Variants in LRP1B observed in about 807,000 individuals in gnomAD.
LRP1B encodes the protein LDL receptor related protein 1B.
LRP1B carries 217 observed loss-of-function variants against 556.6 expected under a neutral mutation model. The ratio of observed to expected loss-of-function variants is 0.39; its 90% confidence interval spans 0.35 to 0.44. The LOEUF (loss-of-function observed/expected upper bound fraction) is 0.44, where lower values mean the gene tolerates loss of function less well. Ranked by LOEUF, LRP1B falls within the 20% of genes least tolerant of loss-of-function variation. The probability of loss-of-function intolerance (pLI) is 1.00; values close to 1 mark genes in which losing one functional copy is unlikely to be tolerated. For missense variants in LRP1B, 5,053 were observed against 5,620.8 expected, an observed-to-expected ratio of 0.90 and a Z score of 3.23; for synonymous variants, 2,047 against 1,865.8, an observed-to-expected ratio of 1.10 and a Z score of -2.50.
chr2:141,405,996 C>T (rs901755379), intron 3 of LRP1B, among the ~76,000 whole-genome samples: 11 of 151,810 alleles, frequency 7.2e-5, no homozygotes, highest in African/African-American at 2.7e-4. Flanking sequence ...AGAAGTTATG[C>T]CAAGTATGAT....
At chr2:140,786,129 T>C (rs748746983) in intron 32 of LRP1B, among the ~76,000 whole-genome samples, 4 of 152,198 alleles carry the variant, frequency 2.6e-5, no homozygotes, top group African/African-American at 4.8e-5. Flanking sequence ...GCCAAAGGCA[T>C]GGCACAAAGG....
At chr2:140,979,919 A>T (rs1411947773) in intron 18 of LRP1B, among the ~76,000 whole-genome samples, 1 of 152,142 alleles carries the variant, frequency 6.6e-6, no homozygotes, top group African/African-American at 2.4e-5. Context: ...TTATTAAAAA[A>T]ATTTAATAGA....
At chr2:141,517,497 T>C (rs1400984384) in intron 2 of LRP1B, among the ~76,000 whole-genome samples, 1 of 152,162 alleles carries the variant, frequency 6.6e-6, no homozygotes, top group Non-Finnish European at 1.5e-5. Context: ...ATGGGAATAT[T>C]CTACATGCAA....
At chr2:141,117,302 T>C (rs1322940046) in intron 7 of LRP1B, among the ~76,000 whole-genome samples, 2 of 151,818 alleles carry the variant, frequency 1.3e-5, no homozygotes, top group African/African-American at 2.4e-5. Flanking sequence ...TAAATACTAC[T>C]GTTCTTAGAG....
chr2:141,112,140 T>C (rs1700772898), intron 7 of LRP1B, among the ~76,000 whole-genome samples: 1 of 152,068 alleles, frequency 6.6e-6, no homozygotes. Context: ...GCCTAATTTT[T>C]CCTGGTCATG....
chr2:140,908,777 G>T (rs1694334872), intron 21 of LRP1B, among the ~76,000 whole-genome samples: 1 of 152,056 alleles, frequency 6.6e-6, no homozygotes, highest in Non-Finnish European at 1.5e-5. Context: ...GAAACACAAA[G>T]AGATCAATGT....
At chr2:140,259,706 C>CAT (rs1250785933) in intron 86 of LRP1B, among the ~76,000 whole-genome samples, 1 of 151,894 alleles carries the variant, frequency 6.6e-6, no homozygotes, top group African/African-American at 2.4e-5. Context: ...ATAAATCAGA[C>CAT]ATAACCTCTT....
At chr2:140,725,707 A>C (rs1687571361) in intron 35 of LRP1B, among the ~76,000 whole-genome samples, 1 of 151,934 alleles carries the variant, frequency 6.6e-6, no homozygotes, top group African/African-American at 2.4e-5. Flanking sequence ...AAATAAAAAA[A>C]TAAATAAAGT....
At chr2:141,012,853 AATGAT>A (rs1036390671) in intron 14 of LRP1B, among the ~76,000 whole-genome samples, 1 of 151,894 alleles carries the variant, frequency 6.6e-6, no homozygotes, top group African/African-American at 2.4e-5. Flanking sequence ...AAATTTTTAC[AATGAT>A]ATGTCTATTA....
chr2:140,657,620 T>TACATATATATACATAC (rs1553507875), intron 41 of LRP1B, among the ~76,000 whole-genome samples: 5,309 of 137,710 alleles, frequency 0.039, 132 homozygotes, highest in Middle Eastern at 0.075. Context: ...TATACATACA[T>TACATATATATACATAC]ATATACATAC....
chr2:141,197,332 C>T (rs1270151550), intron 6 of LRP1B, among the ~76,000 whole-genome samples: 1 of 152,068 alleles, frequency 6.6e-6, no homozygotes, highest in South Asian at 2.1e-4. Flanking sequence ...AAATGTTTAG[C>T]CTTGCTGGGG....
chr2:141,168,502 T>C (rs1680362175), intron 7 of LRP1B, among the ~76,000 whole-genome samples: 1 of 151,968 alleles, frequency 6.6e-6, no homozygotes, highest in Non-Finnish European at 1.5e-5. Flanking sequence ...ACTACCGAAA[T>C]TTAAAATCCT....
chr2:141,553,427 T>A lies in LRP1B; in HGVS notation c.206-72894A>T, dbSNP rs1327126083. The stretch of plus-strand genomic sequence containing the variant: ...CCTGGGTATCTTCATGAACTCTCTT[T>A]TAAATATACAGGAATAGTTAGCCAC... On this transcript the variant is annotated intron_variant, in intron 2 of 90. Transcript: ENST00000389484. Among the ~76,000 whole-genome samples the A allele has an allele frequency of 3.3e-5, 5 of 151,468 alleles. No individual in the cohort carries two copies. The Admixed American group carries it at 3.3e-4, about 10-fold the overall frequency.
chr2:141,688,154 G>A (rs1208770876), intron 2 of LRP1B, among the ~76,000 whole-genome samples: 3 of 151,376 alleles, frequency 2.0e-5, no homozygotes, highest in Non-Finnish European at 4.4e-5. Flanking sequence ...TTTTTTCCCT[G>A]TCAATTTTCT....
At chr2:141,489,873 C>T (rs547208290) in intron 2 of LRP1B, among the ~76,000 whole-genome samples, 3 of 152,018 alleles carry the variant, frequency 2.0e-5, no homozygotes, top group South Asian at 4.1e-4. Flanking sequence ...CAAATAAGAA[C>T]CTCTAAAGAT....
intron 60 of LRP1B, among the ~76,000 whole-genome samples, chr2:140,458,057 A>G (rs1687175676): frequency 6.6e-6 from 1 of 152,114 alleles, no homozygotes; most frequent in Non-Finnish European, 1.5e-5. Context: ...CTTAACTTAA[A>G]TACCTAAATC....
At chr2:141,619,272 T>C (rs540849707) in intron 2 of LRP1B, among the ~76,000 whole-genome samples, 2 of 152,260 alleles carry the variant, frequency 1.3e-5, no homozygotes, top group South Asian at 4.1e-4. Context: ...CTTAGCACTT[T>C]CATTCATTTT....
chr2:140,864,135 A>G (rs1025938362), intron 27 of LRP1B, among the ~76,000 whole-genome samples: 6 of 151,914 alleles, frequency 3.9e-5, no homozygotes, highest in Non-Finnish European at 7.4e-5. Flanking sequence ...TGGATGGCTA[A>G]CAATTTTTCT....
At chr2:140,726,206 G>A (rs909742998) in intron 35 of LRP1B, among the ~76,000 whole-genome samples, 5 of 152,116 alleles carry the variant, frequency 3.3e-5, no homozygotes, top group Middle Eastern at 3.4e-3. Context: ...TGCTATTAGT[G>A]GTTCAGTACT....
Sources: allele counts gnomAD v4.1 joint callset (sites outside exome capture counted in the v4.1 genomes callset), GRCh38; gene constraint gnomAD v4.1.1; transcripts MANE v1.5; gene names NCBI Gene and HGNC (gene_info 2026-07-23, HGNC 2026-07-21).